ZNF304: variants seen among roughly 807,000 people sequenced by gnomAD.
The protein encoded by ZNF304 is zinc finger protein 304, also known as KRAB-containing zinc finger protein.
A neutral mutation model predicts 7.8 loss-of-function variants in ZNF304; 7 were observed. The observed-to-expected ratio is 0.90, with a 90% CI of 0.51 to 1.69. ZNF304 has a LOEUF of 1.69. ZNF304 is among the 40% of genes most tolerant of loss of function. ZNF304 has a pLI of 0.00. For missense variants in ZNF304, 669 were observed against 804.8 expected, an observed-to-expected ratio of 0.83 and a Z score of 2.04; for synonymous variants, 280 against 272.4, an observed-to-expected ratio of 1.03 and a Z score of -0.27.
In ZNF304 at chr19:57,353,736, C is replaced by T. The variant is rs749750083; in HGVS notation, c.45C>T (p.Thr15=). ...VLMDRVQSCV[T]FEDVFVYFSR... is the part of the protein sequence containing the mutation. ...ACTTATCATGGCAGAGTTGTGTGAC[C>T]TTCGAGGATGTGTTCGTGTACTTCT... The change falls in exon 2 of 3, where the codon ACC becomes ACT. Residue 15 remains threonine (T), a synonymous_variant. Transcript: ENST00000282286. The T allele has an allele frequency of 4.5e-5, 73 of 1,611,114 alleles. No individual in the cohort carries two copies. Among genetic ancestry groups the T allele is most frequent in the Non-Finnish European group, 6.0e-5 (71 of 1,178,542 alleles).
In ZNF304 at chr19:57,359,386, T is replaced by A. The variant is rs1444373689; in HGVS notation, c.*1537T>A. 6.6e-6 allele frequency: 1 copy of A among 152,234 alleles called. No individual in the cohort carries two copies. Among genetic ancestry groups the A allele is most frequent in the Non-Finnish European group, 1.5e-5 (1 of 68,048 alleles). 9.4% of individuals were successfully genotyped at this position (152,234 alleles called of 1,614,324 possible). A position where few individuals can be genotyped will look rare whatever the true frequency, so the allele number is the denominator to read the frequency against. ...GTAAAGCCAAAATAGTTGACAGATC[T>A]AACTTTCCTAGTGGAACAGTATATA... On this transcript the variant is annotated 3_prime_UTR_variant, in exon 3 of 3. Coordinates refer to ENST00000282286, the MANE Select transcript of ZNF304 (RefSeq NM_020657.4).
intron 2 of ZNF304, among the ~76,000 whole-genome samples, chr19:57,355,039 C>T (rs1054880756): frequency 6.6e-6 from 1 of 152,168 alleles, no homozygotes; most frequent in Non-Finnish European, 1.5e-5. Context: ...TGCCTGAGTC[C>T]GTGTCATGAT....
At position 57,358,027 on chromosome 19, in the gene ZNF304, C is replaced by T. The variant is rs2088371462; in HGVS notation, c.*178C>T. 5.4e-6 allele frequency: 4 copies of T among 738,610 alleles called. No homozygotes were observed. Among genetic ancestry groups the T allele is most frequent in the South Asian group, 2.0e-5 (1 of 49,104 alleles). The allele number at this position is 738,610 out of a possible 1,614,324, so 45.8% of individuals were successfully genotyped here. A position where few individuals can be genotyped will look rare whatever the true frequency, so the allele number is the denominator to read the frequency against. On this transcript the variant is annotated 3_prime_UTR_variant, in exon 3 of 3. Transcript: ENST00000282286. ...CCCTGGGGAGATTCCTGATAAGCAC[C>T]ACATATGTGGGAGGCTTTCATGAGG... is the stretch of plus-strand genomic sequence containing the variant.
rs2088364167 is a variant in ZNF304 at position 57,357,629 on chromosome 19, A to G, written c.1760A>G (p.Tyr587Cys). The change falls in exon 3 of 3, where the codon TAT (tyrosine) becomes TGT (cysteine). Residue 587 changes from tyrosine (Y) to cysteine (C), a missense_variant. Coordinates refer to ENST00000282286, the MANE Select transcript of ZNF304 (RefSeq NM_020657.4). The stretch of plus-strand genomic sequence containing the variant: ...AAAGTTCACACTGGAGCAAGACCTT[A>G]TGAGTGCAGTGAATGTGGGAAATTC... ...HKKVHTGARPYECSECGKFFS... is the reference protein window; with the variant it reads ...HKKVHTGARPCECSECGKFFS... 6.2e-7 allele frequency: 1 copy of G among 1,614,228 alleles called. No individual in the cohort carries two copies. Among genetic ancestry groups the G allele is most frequent in the Non-Finnish European group, 8.5e-7 (1 of 1,180,032 alleles).
Position 57,357,516 on chromosome 19 carries a change from C to G in ZNF304, c.1647C>G (p.His549Gln), listed in dbSNP as rs138381323. 4 of 1,613,278 alleles carry G rather than the reference C, an allele frequency of 2.5e-6. No homozygotes were observed. The highest frequency in any genetic ancestry group is 1.3e-5 in the African/African-American group (1 of 74,756). The change falls in exon 3 of 3, where the codon CAC (histidine) becomes CAG (glutamine). Residue 549 changes from histidine to glutamine, a missense_variant. Physicochemically the swap from His to Gln is conservative, Grantham distance 24. Transcript: ENST00000282286. ...GCCACAACTCCAGCCTCATTTTGCA[C>G]CAGAGAGTTCACACAGGAGCAAGGC... ...CFSHNSSLILHQRVHTGARPY... is the reference protein window; with the variant it reads ...CFSHNSSLILQQRVHTGARPY...
At position 57,357,476 on chromosome 19, in the gene ZNF304, G is replaced by A; in HGVS notation, c.1607G>A (p.Cys536Tyr). 6.2e-7 allele frequency: 1 copy of A among 1,613,584 alleles called. No individual in the cohort carries two copies. Among genetic ancestry groups the A allele is most frequent in the Non-Finnish European group, 8.5e-7 (1 of 1,179,602 alleles). ...GCAAAGCCTTATGAGTGCAATGAATGTGGGAAATGCTTTAGCCACAACTCC... is the reference window on the plus strand; with the variant it reads ...GCAAAGCCTTATGAGTGCAATGAATATGGGAAATGCTTTAGCCACAACTCC... ...TGAKPYECNE[C>Y]GKCFSHNSSL... The change falls in exon 3 of 3, where the codon TGT (cysteine) becomes TAT (tyrosine). Residue 536 changes from cysteine (C) to tyrosine (Y), a missense_variant. Physicochemically the swap from Cys to Tyr is radical, Grantham distance 194. Transcript: ENST00000282286.
Position 57,359,865 on chromosome 19 carries a change from A to G in ZNF304, c.*2016A>G, listed in dbSNP as rs1050125866. ...TTTGGGTAACTTTCAGTTTTTGGCT[A>G]TTACAAATAAACCTCTGAAGATTTG... On this transcript the variant is annotated 3_prime_UTR_variant, in exon 3 of 3. Transcript: ENST00000282286. 6.6e-6 allele frequency: 1 copy of G among 152,188 alleles called. No individual in the cohort carries two copies. Among genetic ancestry groups the G allele is most frequent in the African/African-American group, 2.4e-5 (1 of 41,436 alleles). 9.4% of individuals were successfully genotyped at this position (152,188 alleles called of 1,614,324 possible).
In ZNF304 at chr19:57,359,565, T is replaced by G. The variant is rs2088395456; in HGVS notation, c.*1716T>G. Reference sequence around the variant, plus strand: ...TCAAGATATCCAACACAACAAAAGATTGTCCCTTTATAATCCTCAATTTTT... The same window carrying G: ...TCAAGATATCCAACACAACAAAAGAGTGTCCCTTTATAATCCTCAATTTTT... On this transcript the variant is annotated 3_prime_UTR_variant, in exon 3 of 3. Coordinates refer to ENST00000282286, the MANE Select transcript of ZNF304 (RefSeq NM_020657.4). The G allele has an allele frequency of 6.6e-6, 1 of 152,212 alleles. No homozygotes were observed. Among genetic ancestry groups the G allele is most frequent in the African/African-American group, 2.4e-5 (1 of 41,460 alleles). 9.4% of individuals were successfully genotyped at this position (152,212 alleles called of 1,614,324 possible). A position where few individuals can be genotyped will look rare whatever the true frequency, so the allele number is the denominator to read the frequency against.
At position 57,356,814 on chromosome 19, in the gene ZNF304, C is replaced by T. The variant is rs756829795; in HGVS notation, c.945C>T (p.Ala315=). 6.2e-6 allele frequency: 10 copies of T among 1,614,156 alleles called. No homozygotes were observed. In the Admixed American group the frequency reaches 8.3e-5, roughly 13 times the overall value. ...ATACATGCAGTGAATGTGGGAAGGC[C>T]TTCAGCCGCAAGGACACACTTGTTC... ...RHYTCSECGK[A]FSRKDTLVQH... The change falls in exon 3 of 3, where the codon GCC becomes GCT. Residue 315 remains alanine (A), a synonymous_variant. Transcript: ENST00000282286.
chr19:57,357,331 GAC>G lies in ZNF304; in HGVS notation c.1467_1468del (p.Leu490CysfsTer14). On this transcript the variant is annotated frameshift_variant, in exon 3 of 3. Transcript: ENST00000282286. LOFTEE classifies it low-confidence loss of function (END_TRUNC). ...ATGTGGGAAGGCCTTCAGCCGTAAAGACACACTTGTGCAACACCAAAAAATCC... is the reference window on the plus strand; with the variant it reads ...ATGTGGGAAGGCCTTCAGCCGTAAAGACACTTGTGCAACACCAAAAAATCC... The part of the protein sequence containing the change: ...SECGKAFSRK[D>X]TLVQHQKIHT... 6.2e-7 allele frequency: 1 copy of G among 1,604,180 alleles called. No individual in the cohort carries two copies.
At position 57,356,765 on chromosome 19, in the gene ZNF304, A is replaced by C; in HGVS notation, c.896A>C (p.Lys299Thr). 1.2e-6 allele frequency: 2 copies of C among 1,614,200 alleles called. No individual in the cohort carries two copies. Residue 299 changes from lysine (K) to threonine (T), a missense_variant, in exon 3 of 3, where the codon AAA becomes ACA. By Grantham distance (78) the Lys-to-Thr change is moderately conservative (BLOSUM62 -1). Coordinates refer to ENST00000282286, the MANE Select transcript of ZNF304 (RefSeq NM_020657.4). ...IHLHHLKMHQ[K>T]FHTGKRHYTC... is the part of the protein sequence containing the mutation. ...TTGCACCACCTAAAAATGCACCAGA[A>C]ATTTCACACTGGAAAAAGACACTAT...
Position 57,357,582 on chromosome 19 carries a change from C to T in ZNF304, c.1713C>T (p.Ser571=). 3 of 1,613,984 alleles carry T rather than the reference C, an allele frequency of 1.9e-6. No individual in the cohort carries two copies. Among genetic ancestry groups the T allele is most frequent in the African/African-American group, 1.3e-5 (1 of 74,976 alleles). The change falls in exon 3 of 3, where the codon AGC becomes AGT. Residue 571 remains serine, a synonymous_variant. Coordinates refer to ENST00000282286, the MANE Select transcript of ZNF304 (RefSeq NM_020657.4). ...CSECGKAYIS[S]SHLVQHKKVH... ...AATGTGGGAAGGCTTACATTAGTAGCTCCCACCTTGTTCAACACAAGAAAG... is the reference window on the plus strand; with the variant it reads ...AATGTGGGAAGGCTTACATTAGTAGTTCCCACCTTGTTCAACACAAGAAAG...
In ZNF304 at chr19:57,356,795, G is replaced by A; in HGVS notation, c.926G>A (p.Cys309Tyr). The change falls in exon 3 of 3, where the codon TGC becomes TAC. Residue 309 changes from cysteine (C) to tyrosine (Y), a missense_variant. Physicochemically the swap from Cys to Tyr is radical, Grantham distance 194. Coordinates refer to ENST00000282286, the MANE Select transcript of ZNF304 (RefSeq NM_020657.4). ...KFHTGKRHYTCSECGKAFSRK... is the reference protein window; with the variant it reads ...KFHTGKRHYTYSECGKAFSRK... ...CACACTGGAAAAAGACACTATACATGCAGTGAATGTGGGAAGGCCTTCAGC... is the reference window on the plus strand; with the variant it reads ...CACACTGGAAAAAGACACTATACATACAGTGAATGTGGGAAGGCCTTCAGC... 6.2e-7 allele frequency: 1 copy of A among 1,614,232 alleles called. No individual in the cohort carries two copies. Among genetic ancestry groups the A allele is most frequent in the Middle Eastern group, 1.6e-4 (1 of 6,062 alleles).
Position 57,356,586 on chromosome 19 carries a change from T to G in ZNF304, c.717T>G (p.Leu239=). ...GKAFLDTFTL[L]DSQMTHAEVR... ...CCTTCCTGGACACCTTTACTCTTCT[T>G]GACAGCCAGATGACTCATGCTGAGG... Residue 239 remains leucine, a synonymous_variant, in exon 3 of 3, where the codon CTT becomes CTG. Coordinates refer to ENST00000282286, the MANE Select transcript of ZNF304 (RefSeq NM_020657.4). The G allele has an allele frequency of 6.2e-7, 1 of 1,614,188 alleles. No individual in the cohort carries two copies. The highest frequency in any genetic ancestry group is 8.5e-7 in the Non-Finnish European group (1 of 1,180,032).
Position 57,357,736 on chromosome 19 carries a change from G to T in ZNF304, c.1867G>T (p.Ala623Ser), listed in dbSNP as rs2122990486. ...KPYVCSECGK[A>S]YSRSSHLVRH... ...TTACGTATGCAGCGAATGTGGGAAA[G>T]CCTATAGCAGAAGCTCCCATCTTGT... The change falls in exon 3 of 3, where the codon GCC becomes TCC. Residue 623 changes from alanine (A) to serine (S), a missense_variant. Physicochemically the swap from Ala to Ser is moderately conservative, Grantham distance 99 (BLOSUM62 1). Coordinates refer to ENST00000282286, the MANE Select transcript of ZNF304 (RefSeq NM_020657.4). 1 of 1,614,236 alleles carries T rather than the reference G, an allele frequency of 6.2e-7. No individual in the cohort carries two copies.
rs555655297 is a variant in ZNF304 at position 57,359,099 on chromosome 19, C to T, written c.*1250C>T. The stretch of plus-strand genomic sequence containing the variant: ...TGGGAGTGCATAGAAATTCTCAGGA[C>T]CTTCAGACATCTGTATCTCCTGTGG... On this transcript the variant is annotated 3_prime_UTR_variant, in exon 3 of 3. Transcript: ENST00000282286. 2 of 152,304 alleles carry T rather than the reference C, an allele frequency of 1.3e-5. No individual in the cohort carries two copies. The highest frequency in any genetic ancestry group is 4.1e-4 in the South Asian group (2 of 4,824). 9.4% of individuals were successfully genotyped at this position (152,304 alleles called of 1,614,324 possible).
chr19:57,358,366 C>T lies in ZNF304; in HGVS notation c.*517C>T, dbSNP rs2088378491. On this transcript the variant is annotated 3_prime_UTR_variant, in exon 3 of 3. Transcript: ENST00000282286. ...TAGGGTCTGCTGGGATTTCCTGACA[C>T]GATTTTCCATCTTCATGGACAATGT... 6.5e-6 allele frequency: 1 copy of T among 153,042 alleles called. No homozygotes were observed. 9.5% of individuals were successfully genotyped at this position (153,042 alleles called of 1,614,324 possible).
intron 2 of ZNF304, among the ~76,000 whole-genome samples, chr19:57,354,429 G>T (rs945952889): frequency 1.3e-5 from 2 of 152,202 alleles, no homozygotes; most frequent in Non-Finnish European, 2.9e-5. Flanking sequence ...CTTTTTGCAA[G>T]ATTTAGTTTC....
In ZNF304 at chr19:57,356,263, T is replaced by G; in HGVS notation, c.394T>G (p.Phe132Val). 1 of 1,614,162 alleles carries G rather than the reference T, an allele frequency of 6.2e-7. No homozygotes were observed. The highest frequency in any genetic ancestry group is 8.5e-7 in the Non-Finnish European group (1 of 1,180,034). ...GAGAAGATTCTCGTTCAGTGCAAAC[T>G]TTTACCAGCACCAGAAGCAACATAA... Reference protein sequence around the residue: ...CRRRFSFSANFYQHQKQHNGE... With the variant: ...CRRRFSFSANVYQHQKQHNGE... Residue 132 changes from phenylalanine (F) to valine (V), a missense_variant, in exon 3 of 3, where the codon TTT becomes GTT. Coordinates refer to ENST00000282286, the MANE Select transcript of ZNF304 (RefSeq NM_020657.4).
Sources: gnomAD v4.1 joint callset for allele counts (sites outside exome capture counted in the v4.1 genomes callset) on GRCh38, gnomAD v4.1.1 for gene constraint, MANE v1.5 for transcripts, NCBI Gene and HGNC (gene_info 2026-07-23, HGNC 2026-07-21) for gene names.